The following DOCK4 variants were observed in gnomAD, a reference collection of about 807,000 sequenced individuals.
DOCK4 encodes the protein dedicator of cytokinesis 4, also known as dedicator of cytokinesis protein 4.
DOCK4 carries 97 observed loss-of-function variants against 268.1 expected under a neutral mutation model. That is an observed-to-expected ratio of 0.36 (90% CI 0.31 to 0.43). The LOEUF (loss-of-function observed/expected upper bound fraction) is 0.43. Ranked by LOEUF, DOCK4 falls within the 20% of genes least tolerant of loss-of-function variation. The pLI is 1.00. For missense variants in DOCK4, 2,145 were observed against 2,455.7 expected, an observed-to-expected ratio of 0.87 and a Z score of 2.67; for synonymous variants, 954 against 887.2, an observed-to-expected ratio of 1.08 and a Z score of -1.34.
chr7:111,785,286 C>T (rs1799088088), intron 32 of DOCK4, among the ~76,000 whole-genome samples: 2 of 152,202 alleles, frequency 1.3e-5, no homozygotes, highest in African/African-American at 4.8e-5. Flanking sequence ...AACAGCACCT[C>T]TTTCAGGCTT....
chr7:111,744,060 A>C (rs2078984), intron 44 of DOCK4, among the ~76,000 whole-genome samples: 145,833 of 152,282 alleles, frequency 0.96, 69,862 homozygotes, highest in Middle Eastern at 0.98. Context: ...GTCAGATGAT[A>C]CTCCTACCTC....
At chr7:111,805,482 A>G (rs1800607087) in intron 30 of DOCK4, among the ~76,000 whole-genome samples, 1 of 152,254 alleles carries the variant, frequency 6.6e-6, no homozygotes, top group African/African-American at 2.4e-5. Context: ...AGCACACACA[A>G]CTAAATGTCT....
Position 111,863,366 on chromosome 7 carries a change from C to A in DOCK4, c.2473+6G>T. ...GGCACAATTTCCTCCAAGAGACTCACCCTACCTGGGTTGGTATAAAGCTGG... is the reference window on the plus strand; with the variant it reads ...GGCACAATTTCCTCCAAGAGACTCAACCTACCTGGGTTGGTATAAAGCTGG... On this transcript the variant is annotated splice_donor_region_variant and intron_variant, in intron 23 of 52. Transcript: ENST00000428084. The A allele has an allele frequency of 6.2e-7, 1 of 1,613,990 alleles. No individual in the cohort carries two copies. Among genetic ancestry groups the A allele is most frequent in the Non-Finnish European group, 8.5e-7 (1 of 1,179,876 alleles).
intron 1 of DOCK4, among the ~76,000 whole-genome samples, chr7:112,086,940 A>G (rs1809145850): frequency 6.6e-6 from 1 of 152,072 alleles, no homozygotes; most frequent in Non-Finnish European, 1.5e-5. Flanking sequence ...ACCCCTGAAA[A>G]AACAAATCAG....
At chr7:112,002,637 A>G (rs1165498049) in intron 2 of DOCK4, among the ~76,000 whole-genome samples, 1 of 152,168 alleles carries the variant, frequency 6.6e-6, no homozygotes, top group African/African-American at 2.4e-5. Flanking sequence ...ATAAACCTTG[A>G]TATGATAAAA....
chr7:111,904,581 T>G (rs940917177), intron 13 of DOCK4, among the ~76,000 whole-genome samples: 2 of 152,122 alleles, frequency 1.3e-5, no homozygotes, highest in African/African-American at 4.8e-5. Context: ...CCAAGGCCTG[T>G]TTAGCTCATA....
At chr7:111,982,774 G>A (rs529370056) in intron 7 of DOCK4, among the ~76,000 whole-genome samples, 105 of 152,326 alleles carry the variant, frequency 6.9e-4, no homozygotes, top group African/African-American at 2.0e-3. Context: ...TGAACATATA[G>A]AGGTATACAC....
At chr7:112,186,524 G>A (rs1220154897) in intron 1 of DOCK4, among the ~76,000 whole-genome samples, 1 of 152,226 alleles carries the variant, frequency 6.6e-6, no homozygotes, top group Non-Finnish European at 1.5e-5. Context: ...AATGATGCAT[G>A]TATGACCTTG....
At chr7:112,062,810 T>C (rs1235835553) in intron 1 of DOCK4, among the ~76,000 whole-genome samples, 1 of 152,136 alleles carries the variant, frequency 6.6e-6, no homozygotes, top group East Asian at 1.9e-4. Context: ...CTCGAGTAGC[T>C]GGTATTACAG....
chr7:112,151,961 T>TAA (rs57613263), intron 1 of DOCK4, among the ~76,000 whole-genome samples: 20 of 131,190 alleles, frequency 1.5e-4, no homozygotes, highest in Non-Finnish European at 1.8e-4. Context: ...AAACTGTTAT[T>TAA]AAAAAAAAAA....
intron 1 of DOCK4, among the ~76,000 whole-genome samples, chr7:112,198,061 T>G (rs1820617216): frequency 6.6e-6 from 1 of 151,764 alleles, no homozygotes; most frequent in Non-Finnish European, 1.5e-5. Flanking sequence ...AGACATCTGC[T>G]ATAAATCACG....
intron 39 of DOCK4, among the ~76,000 whole-genome samples, chr7:111,760,940 G>GTAAT (rs2133595040): frequency 6.6e-6 from 1 of 152,150 alleles, no homozygotes; most frequent in African/African-American, 2.4e-5. Context: ...TAATGAAGTT[G>GTAAT]TAATTGAGCA....
chr7:112,013,447 C>A (rs571642289), intron 1 of DOCK4, among the ~76,000 whole-genome samples: 1 of 152,190 alleles, frequency 6.6e-6, no homozygotes, highest in Non-Finnish European at 1.5e-5. Context: ...AACAGTTCAA[C>A]GGAGAAATAG....
intron 41 of DOCK4, among the ~76,000 whole-genome samples, chr7:111,757,442 G>A (rs1390408391): frequency 6.6e-6 from 1 of 152,144 alleles, no homozygotes; most frequent in African/African-American, 2.4e-5. Flanking sequence ...AAAAGCAACT[G>A]CAAGAAGAAC....
intron 42 of DOCK4, among the ~76,000 whole-genome samples, chr7:111,749,741 A>T (rs750725040): frequency 3.3e-5 from 5 of 152,250 alleles, no homozygotes; most frequent in Middle Eastern, 3.2e-3. Flanking sequence ...ATCTTCACTT[A>T]GCATTCAAAA....
intron 43 of DOCK4, 82 bp from the exon 44 acceptor site, chr7:111,746,499 C>T (rs1796276205): frequency 4.5e-6 from 5 of 1,118,226 alleles, no homozygotes; most frequent in Middle Eastern, 3.9e-4. Context: ...GACCTGGCAT[C>T]TTTATGGAAA....
chr7:111,828,357 C>T (rs1802559760), intron 26 of DOCK4, among the ~76,000 whole-genome samples: 1 of 152,134 alleles, frequency 6.6e-6, no homozygotes, highest in Non-Finnish European at 1.5e-5. Context: ...GCTACTTCAG[C>T]AGTAACCCTG....
At chr7:111,969,422 AT>A (rs1256825934) in intron 8 of DOCK4, among the ~76,000 whole-genome samples, 10 of 136,796 alleles carry the variant, frequency 7.3e-5, no homozygotes. Context: ...AAATAAACTC[AT>A]TTTTTCTATT....
chr7:112,073,736 G>GT (rs1807812529), intron 1 of DOCK4, among the ~76,000 whole-genome samples: 1 of 152,152 alleles, frequency 6.6e-6, no homozygotes, highest in Non-Finnish European at 1.5e-5. Context: ...GAGTAGGACT[G>GT]TGAGTATCAG....
Sources: gnomAD v4.1 joint callset for allele counts (sites outside exome capture counted in the v4.1 genomes callset) on GRCh38, gnomAD v4.1.1 for gene constraint, MANE v1.5 for transcripts, NCBI Gene and HGNC (gene_info 2026-07-23, HGNC 2026-07-21) for gene names.